The following TRAF3IP1 variants were observed in gnomAD, a reference collection of about 807,000 sequenced individuals.
TRAF3IP1 encodes the protein intraflagellar transport 54.
Under a neutral mutation model 89.9 loss-of-function variants are expected in TRAF3IP1, and 53 were observed. The ratio of observed to expected loss-of-function variants is 0.59; its 90% confidence interval spans 0.47 to 0.74. The LOEUF is 0.74. TRAF3IP1 is among the 30% of genes least tolerant of loss of function. TRAF3IP1 has a pLI of 0.00. For missense variants in TRAF3IP1, 806 were observed against 866.1 expected (o/e 0.93, Z 0.87); for synonymous variants, 311 against 322.1 (o/e 0.97, Z 0.37).
At chr2:238,346,885 C>T (rs374668179) in intron 9 of TRAF3IP1, among the ~76,000 whole-genome samples, 30 of 152,330 alleles carry the variant, frequency 2.0e-4, no homozygotes, top group African/African-American at 3.4e-4. Context: ...TTACTTTGAC[C>T]GTTTAGGTCA....
rs1700187136 is a variant in TRAF3IP1, at chr2:238,373,391, T to A, written c.1689+17311T>A. Reference sequence around the variant, plus strand: ...CCAGCACCATTTATTAAATAGGGAATCCTTTCCCCATTTCTTGTTTTTGTC... The same window carrying A: ...CCAGCACCATTTATTAAATAGGGAAACCTTTCCCCATTTCTTGTTTTTGTC... On this transcript the variant is annotated intron_variant, in intron 15 of 16. Coordinates refer to ENST00000373327, the MANE Select transcript of TRAF3IP1 (RefSeq NM_015650.4). Among the ~76,000 whole-genome samples the A allele has an allele frequency of 2.6e-5, 4 of 152,362 alleles. No individual in the cohort carries two copies. The South Asian group carries it at 6.2e-4, about 24-fold the overall frequency.
rs574674845 is a variant in TRAF3IP1 at position 238,384,765 on chromosome 2, A to G, written c.1690-12694A>G. On this transcript the variant is annotated intron_variant, in intron 15 of 16. Coordinates refer to ENST00000373327, the MANE Select transcript of TRAF3IP1 (RefSeq NM_015650.4). ...AGAGATTTCATTTCAGCAAAGATGA[A>G]GAAATTTGAACAAAAGGTTAAGAAT... 3.3e-5 allele frequency among the ~76,000 whole-genome samples: 5 copies of G among 152,254 alleles called. No homozygotes were observed. In the South Asian group the frequency reaches 1.0e-3, roughly 32 times the overall value.
rs1214378482 is a variant in TRAF3IP1 at position 238,320,573 on chromosome 2, C to A, written c.-90C>A. 6.6e-6 allele frequency: 7 copies of A among 1,058,324 alleles called. No homozygotes were observed. Among genetic ancestry groups the A allele is most frequent in the Non-Finnish European group, 8.0e-6 (7 of 877,598 alleles). 65.6% of individuals were successfully genotyped at this position (1,058,324 alleles called of 1,614,324 possible). On this transcript the variant is annotated 5_prime_UTR_variant, in exon 1 of 17. Coordinates refer to ENST00000373327, the MANE Select transcript of TRAF3IP1 (RefSeq NM_015650.4). The stretch of plus-strand genomic sequence containing the variant: ...TCCTGGCAGGACCGGGCGGCGGCGG[C>A]GGCGGGGCCGGCGGCGGCCAGGGAC...
chr2:238,338,304 C>T, intron 7 of TRAF3IP1, 58 bp from the exon 8 acceptor site: 1 of 1,113,904 alleles, frequency 9.0e-7, no homozygotes, highest in African/African-American at 1.6e-5. Context: ...CCAGCTAAAA[C>T]AACCAAACAC....
Position 238,352,927 on chromosome 2 carries a change from T to G in TRAF3IP1, c.1552T>G (p.Ser518Ala), listed in dbSNP as rs767282570. ...QFVVEAAPQL[S>A]EMSEIEMVTA... Reference sequence around the variant, plus strand: ...TGTGGTGGAAGCTGCCCCTCAGCTCTCTGAAATGTCAGAAATTGAAATGGT... The same window carrying G: ...TGTGGTGGAAGCTGCCCCTCAGCTCGCTGAAATGTCAGAAATTGAAATGGT... Residue 518 changes from serine to alanine, a missense_variant, in exon 13 of 17, where the codon TCT becomes GCT. By Grantham distance (99) the Ser-to-Ala change is moderately conservative (BLOSUM62 1). This residue lies in a region of TRAF3IP1 where 732 missense variants were observed against 780.5 expected (regional missense o/e 0.94). Transcript: ENST00000373327. The G allele has an allele frequency of 3.5e-5, 56 of 1,611,240 alleles. No homozygotes were observed. Among genetic ancestry groups the G allele is most frequent in the Non-Finnish European group, 4.7e-5 (55 of 1,179,250 alleles).
chr2:238,386,035 A>G (rs1700753048), intron 15 of TRAF3IP1, among the ~76,000 whole-genome samples: 1 of 152,244 alleles, frequency 6.6e-6, no homozygotes, highest in South Asian at 2.1e-4. Context: ...TTTGGGGTAT[A>G]CATGCAGACC....
At chr2:238,385,899 T>C (rs1243680474) in intron 15 of TRAF3IP1, among the ~76,000 whole-genome samples, 1 of 152,174 alleles carries the variant, frequency 6.6e-6, no homozygotes, top group Non-Finnish European at 1.5e-5. Context: ...TATTTTTGGG[T>C]GGGATAGTCT....
chr2:238,369,694 G>T (rs1275990438), intron 15 of TRAF3IP1, among the ~76,000 whole-genome samples: 1 of 152,202 alleles, frequency 6.6e-6, no homozygotes, highest in Non-Finnish European at 1.5e-5. Context: ...GCTCTCCGTG[G>T]CCTCTCGATG....
Position 238,332,817 on chromosome 2 carries a change from T to G in TRAF3IP1, c.916-7T>G. The G allele has an allele frequency of 6.2e-7, 1 of 1,600,386 alleles. No individual in the cohort carries two copies. The highest frequency in any genetic ancestry group is 8.5e-7 in the Non-Finnish European group (1 of 1,173,606). On this transcript the variant is annotated splice_polypyrimidine_tract_variant and splice_region_variant and intron_variant, in intron 5 of 16. Transcript: ENST00000373327. ...TCTAAAGTTTGAATTTTTTTTTTTT[T>G]TAATAGTCAGCAAGCTCAGGGGAGA... is the stretch of plus-strand genomic sequence containing the variant.
intron 15 of TRAF3IP1, among the ~76,000 whole-genome samples, chr2:238,366,304 A>G (rs763877775): frequency 3.9e-5 from 6 of 152,244 alleles, no homozygotes; most frequent in Non-Finnish European, 5.9e-5. Context: ...TGGGTGTATT[A>G]TAGACCACAA....
At chr2:238,324,360 G>A (rs1259214216) in intron 1 of TRAF3IP1, among the ~76,000 whole-genome samples, 1 of 151,814 alleles carries the variant, frequency 6.6e-6, no homozygotes, top group African/African-American at 2.4e-5. Context: ...AAGCCACTGT[G>A]CCCAGCCAAA....
chr2:238,399,965 T>A lies in TRAF3IP1; in HGVS notation c.*1046T>A, dbSNP rs1418778570. 1.3e-5 allele frequency: 2 copies of A among 152,204 alleles called. No individual in the cohort carries two copies. Among genetic ancestry groups the A allele is most frequent in the Non-Finnish European group, 2.9e-5 (2 of 68,034 alleles). 9.4% of individuals were successfully genotyped at this position (152,204 alleles called of 1,614,324 possible). On this transcript the variant is annotated 3_prime_UTR_variant, in exon 17 of 17. Transcript: ENST00000373327. ...AGTCTTAAGTTACTGTATAAAACAT[T>A]TCATTGTGTTTGAAGACATACTTAT... is the stretch of plus-strand genomic sequence containing the variant.
chr2:238,348,574 C>T (rs996613021), intron 10 of TRAF3IP1, among the ~76,000 whole-genome samples, 190 bp from the exon 11 acceptor site: 2 of 152,148 alleles, frequency 1.3e-5, no homozygotes, highest in Admixed American at 1.3e-4. Context: ...CAAATCTTCA[C>T]TGAGTTTAGA....
chr2:238,327,611 A>G (rs1372706309), intron 3 of TRAF3IP1, among the ~76,000 whole-genome samples: 1 of 152,192 alleles, frequency 6.6e-6, no homozygotes, highest in Non-Finnish European at 1.5e-5. Context: ...AAAATTTGCC[A>G]TCTTAACCAT....
In TRAF3IP1 at chr2:238,373,695, T is replaced by C. The variant is rs563221662; in HGVS notation, c.1689+17615T>C. 1.3e-4 allele frequency among the ~76,000 whole-genome samples: 20 copies of C among 152,342 alleles called. No individual in the cohort carries two copies. The East Asian group carries it at 3.9e-3, about 29-fold the overall frequency. Reference sequence around the variant, plus strand: ...AAAGTCTTTGGTAGCTTGATGGGGATGGCATTGAATCTATAAATTACTTTG... The same window carrying C: ...AAAGTCTTTGGTAGCTTGATGGGGACGGCATTGAATCTATAAATTACTTTG... On this transcript the variant is annotated intron_variant, in intron 15 of 16. Coordinates refer to ENST00000373327, the MANE Select transcript of TRAF3IP1 (RefSeq NM_015650.4).
intron 15 of TRAF3IP1, among the ~76,000 whole-genome samples, chr2:238,384,337 G>GATGTATGTATGTATGT (rs61001806): frequency 2.8e-4 from 39 of 139,726 alleles, no homozygotes; most frequent in Non-Finnish European, 4.7e-4. Context: ...GAATCAACCT[G>GATGTATGTATGTATGT]ATGTATGTAT....
rs144653982 is a variant in TRAF3IP1, at chr2:238,385,941, A to G, written c.1690-11518A>G. Among the ~76,000 whole-genome samples the G allele has an allele frequency of 2.7e-3, 417 of 152,330 alleles. 2 individuals carry two copies. The highest frequency in any genetic ancestry group is 9.5e-3 in the African/African-American group (394 of 41,570). ...CTTCAGTGAACAGGTGATTTCAATA[A>G]ATATTTCCCTTGTCGAAGTCAAATA... On this transcript the variant is annotated intron_variant, in intron 15 of 16. Coordinates refer to ENST00000373327, the MANE Select transcript of TRAF3IP1 (RefSeq NM_015650.4).
chr2:238,327,365 T>C (rs998174095), intron 3 of TRAF3IP1, among the ~76,000 whole-genome samples: 3 of 152,240 alleles, frequency 2.0e-5, no homozygotes, highest in Non-Finnish European at 2.9e-5. Context: ...TGTGTTTATC[T>C]GTGTCCCCAG....
At chr2:238,329,456 A>G in intron 5 of TRAF3IP1, 114 bp downstream of exon 5, 3 of 897,910 alleles carry the variant, frequency 3.3e-6, no homozygotes, top group Non-Finnish European at 4.6e-6. Context: ...TTTTATGCCT[A>G]TTTAAAATGA....
Sources: allele counts gnomAD v4.1 joint callset (sites outside exome capture counted in the v4.1 genomes callset), GRCh38; gene constraint gnomAD v4.1.1; regional missense constraint gnomAD v4.1.1; transcripts MANE v1.5; gene names NCBI Gene and HGNC (gene_info 2026-07-23, HGNC 2026-07-21).